The following GREB1L variants were observed in gnomAD, a reference collection of about 807,000 sequenced individuals.
GREB1L encodes GREB1 like retinoic acid receptor coactivator, also known as GREB1-like protein.
GREB1L carries 17 observed loss-of-function variants against 200.8 expected under a neutral mutation model. That is an observed-to-expected ratio of 0.08 (90% CI 0.06 to 0.13). The LOEUF (loss-of-function observed/expected upper bound fraction) is 0.13. Ranked by LOEUF, GREB1L falls within the 10% of genes least tolerant of loss-of-function variation. GREB1L has a pLI of 1.00. For synonymous variants in GREB1L, 789 were observed against 893.0 expected (o/e 0.88, Z 2.08); for missense variants, 1,657 against 2,367.7 (o/e 0.70, Z 6.23).
intron 5 of GREB1L, among the ~76,000 whole-genome samples, chr18:21,399,453 T>A (rs138769753): frequency 6.2e-5 from 9 of 146,198 alleles, no homozygotes; most frequent in Non-Finnish European, 4.5e-5. Context: ...GGATGGATGG[T>A]TGGATGGATG....
intron 1 of GREB1L, among the ~76,000 whole-genome samples, chr18:21,279,634 G>A (rs1418950030): frequency 6.6e-6 from 1 of 152,038 alleles, no homozygotes; most frequent in East Asian, 1.9e-4. Flanking sequence ...TAAAGAAATG[G>A]GGTCTTGCTG....
At chr18:21,487,112 C>T (rs2036157561) in intron 18 of GREB1L, among the ~76,000 whole-genome samples, 1 of 152,198 alleles carries the variant, frequency 6.6e-6, no homozygotes, top group African/African-American at 2.4e-5. Flanking sequence ...CTTAATTTTC[C>T]AAAATCATTC....
At chr18:21,461,612 C>T (rs2035049900) in intron 15 of GREB1L, among the ~76,000 whole-genome samples, 1 of 152,194 alleles carries the variant, frequency 6.6e-6, no homozygotes, top group South Asian at 2.1e-4. Flanking sequence ...CCTCTGGCTG[C>T]CAGGGCATGC....
chr18:21,404,374 C>T (rs1438463187), intron 7 of GREB1L, among the ~76,000 whole-genome samples: 1 of 152,122 alleles, frequency 6.6e-6, no homozygotes. Flanking sequence ...GCCCACAGAA[C>T]GTCATAGGGA....
intron 15 of GREB1L, among the ~76,000 whole-genome samples, chr18:21,463,023 G>T (rs1339252996): frequency 1.3e-5 from 2 of 149,380 alleles, no homozygotes; most frequent in Non-Finnish European, 3.0e-5. Context: ...AGATTGGAAA[G>T]AAATCTTGAA....
chr18:21,269,442 T>G (rs888698860), intron 1 of GREB1L, among the ~76,000 whole-genome samples: 38 of 152,212 alleles, frequency 2.5e-4, no homozygotes, highest in Non-Finnish European at 5.1e-4. Context: ...ACTGAACATG[T>G]CTTACGGCTT....
At chr18:21,421,554 C>A (rs1304970710) in intron 7 of GREB1L, among the ~76,000 whole-genome samples, 1 of 152,264 alleles carries the variant, frequency 6.6e-6, no homozygotes, top group East Asian at 1.9e-4. Context: ...ACATTTTGTA[C>A]AGGCATCAAA....
At chr18:21,375,137 C>T (rs368620895) in intron 2 of GREB1L, among the ~76,000 whole-genome samples, 10 of 151,652 alleles carry the variant, frequency 6.6e-5, no homozygotes, top group Middle Eastern at 3.4e-3. Flanking sequence ...GAACTTGGCT[C>T]ACTGCAAACC....
At chr18:21,292,751 A>G (rs1240172207) in intron 1 of GREB1L, among the ~76,000 whole-genome samples, 4 of 152,220 alleles carry the variant, frequency 2.6e-5, no homozygotes, top group Non-Finnish European at 5.9e-5. Context: ...AGCAAAAGAC[A>G]TTTTGTTACT....
intron 15 of GREB1L, among the ~76,000 whole-genome samples, chr18:21,463,303 G>C (rs1380385278): frequency 6.6e-6 from 1 of 151,124 alleles, no homozygotes; most frequent in Non-Finnish European, 1.5e-5. Flanking sequence ...CCGCCACCGC[G>C]CCTGGCTAAT....
At chr18:21,429,109 CCCTTCCTT>C (rs138864682) in intron 7 of GREB1L, among the ~76,000 whole-genome samples, 26,999 of 109,578 alleles carry the variant, frequency 0.25, 5,265 homozygotes, top group African/African-American at 0.55. Flanking sequence ...AAACTATTCT[CCCTTCCTT>C]CCTTCCTTCC....
At chr18:21,251,929 AGT>A (rs1182670153) in intron 1 of GREB1L, among the ~76,000 whole-genome samples, 2 of 140,966 alleles carry the variant, frequency 1.4e-5, no homozygotes, top group African/African-American at 5.7e-5. Flanking sequence ...TGGGAGGCAG[AGT>A]GAGACTCCAT....
At chr18:21,256,857 T>G (rs1255435738) in intron 1 of GREB1L, among the ~76,000 whole-genome samples, 1 of 151,826 alleles carries the variant, frequency 6.6e-6, no homozygotes, top group African/African-American at 2.4e-5. Context: ...ATATAAAAAT[T>G]AGCTGGGTTT....
chr18:21,516,872 A>T, intron 30 of GREB1L, 118 bp downstream of exon 30: 5 of 739,630 alleles, frequency 6.8e-6, no homozygotes, highest in African/African-American at 1.8e-5. Flanking sequence ...AAATAACACA[A>T]GGGAGTTTTT....
chr18:21,315,748 A>T (rs1448824969), intron 1 of GREB1L, among the ~76,000 whole-genome samples: 2 of 152,068 alleles, frequency 1.3e-5, no homozygotes, highest in Non-Finnish European at 2.9e-5. Context: ...TGCTTGGACA[A>T]ATACGCCTTC....
chr18:21,302,031 T>G (rs953641679), intron 1 of GREB1L, among the ~76,000 whole-genome samples: 1 of 152,202 alleles, frequency 6.6e-6, no homozygotes, highest in African/African-American at 2.4e-5. Context: ...TTGACAGCAT[T>G]TACCACATTT....
rs199827313 is a variant in GREB1L at position 21,485,592 on chromosome 18, T to G, written c.2557-28T>G. 1.9e-6 allele frequency: 3 copies of G among 1,546,724 alleles called. No homozygotes were observed. The South Asian group carries it at 3.6e-5, about 19-fold the overall frequency. ...AAGACACACTGTATCCTGTCCTCAT[T>G]GGGTTTTTGCTCTGTATTTTGAACC... On this transcript the variant is annotated intron_variant, in intron 17 of 32. Coordinates refer to ENST00000424526, the MANE Select transcript of GREB1L (RefSeq NM_001142966.3).
intron 1 of GREB1L, among the ~76,000 whole-genome samples, chr18:21,301,070 TGA>T (rs949581159): frequency 6.6e-6 from 1 of 152,206 alleles, no homozygotes; most frequent in African/African-American, 2.4e-5. Flanking sequence ...TACTGGCATT[TGA>T]GAGTGTTTGA....
At chr18:21,457,797 A>T (rs2034838584) in intron 15 of GREB1L, among the ~76,000 whole-genome samples, 1 of 152,218 alleles carries the variant, frequency 6.6e-6, no homozygotes, top group Non-Finnish European at 1.5e-5. Context: ...CGGGTAGAAT[A>T]AATAGCAGGA....
Sources: allele counts gnomAD v4.1 joint callset (sites outside exome capture counted in the v4.1 genomes callset), GRCh38; gene constraint gnomAD v4.1.1; transcripts MANE v1.5; gene names NCBI Gene and HGNC (gene_info 2026-07-23, HGNC 2026-07-21).